AOAH: variants seen among roughly 807,000 people sequenced by gnomAD.
The protein encoded by AOAH is acyloxyacyl hydrolase (neutrophil).
In AOAH, 64 loss-of-function variants were observed where a neutral mutation model predicts 92.2. The observed-to-expected ratio is 0.69, with a 90% CI of 0.57 to 0.86. The LOEUF is 0.86. AOAH is among the 40% of genes least tolerant of loss of function. The pLI, the probability that AOAH is intolerant of heterozygous loss-of-function variation, is 0.00. For synonymous variants in AOAH, 263 were observed against 254.5 expected (o/e 1.03, Z -0.32); for missense variants, 656 against 694.6 (o/e 0.94, Z 0.62).
At chr7:36,567,637 C>A (rs972776955) in intron 13 of AOAH, among the ~76,000 whole-genome samples, 1 of 152,146 alleles carries the variant, frequency 6.6e-6, no homozygotes, top group Non-Finnish European at 1.5e-5. Context: ...TGGTTCCTGG[C>A]AATACTGGTG....
chr7:36,640,330 C>T (rs1171031331), intron 4 of AOAH, among the ~76,000 whole-genome samples: 1 of 148,648 alleles, frequency 6.7e-6, no homozygotes, highest in Non-Finnish European at 1.5e-5. Flanking sequence ...GTAGGACCCA[C>T]AAACTAGAAA....
chr7:36,516,181 C>G lies in AOAH; in HGVS notation c.1600-2801G>C, dbSNP rs926793755. On this transcript the variant is annotated intron_variant, in intron 20 of 20. Coordinates refer to ENST00000617537, the MANE Select transcript of AOAH (RefSeq NM_001637.4). This position sits in a 1 kb window ranked among gnomAD's most constrained non-coding sequence, Gnocchi z 5.0. ...CACACACCACACACCCCATACCACA[C>G]ATACATACATCTCTCTTATATACAC... Among the ~76,000 whole-genome samples the G allele has an allele frequency of 1.3e-5, 2 of 149,538 alleles. No individual in the cohort carries two copies. The highest frequency in any genetic ancestry group is 3.0e-5 in the Non-Finnish European group (2 of 67,114).
chr7:36,583,173 A>G (rs1330051268), intron 12 of AOAH, among the ~76,000 whole-genome samples: 1 of 152,128 alleles, frequency 6.6e-6, no homozygotes, highest in Non-Finnish European at 1.5e-5. Context: ...AATCTTAGGG[A>G]ATAAGTTACA....
At chr7:36,659,099 C>G (rs1795048555) in intron 4 of AOAH, 67 bp downstream of exon 4, 1 of 1,357,544 alleles carries the variant, frequency 7.4e-7, no homozygotes, top group African/African-American at 1.4e-5. Context: ...CTAAGCCTCC[C>G]TTTCTAACAT....
intron 12 of AOAH, 134 bp downstream of exon 12, chr7:36,594,205 G>A (rs1451509982): frequency 2.8e-6 from 2 of 721,546 alleles, no homozygotes; most frequent in East Asian, 2.5e-5. Context: ...ACTGTATGGT[G>A]GATGAACTCA....
At chr7:36,676,053 A>G (rs1167107447) in intron 2 of AOAH, among the ~76,000 whole-genome samples, 4 of 152,222 alleles carry the variant, frequency 2.6e-5, no homozygotes, top group East Asian at 3.8e-4. Context: ...TCCCCTCACT[A>G]TCAGGAAAAT....
intron 4 of AOAH, among the ~76,000 whole-genome samples, chr7:36,657,775 T>C (rs896433604): frequency 1.3e-5 from 2 of 151,902 alleles, no homozygotes; most frequent in Admixed American, 6.6e-5. Flanking sequence ...GAGAAGGGGG[T>C]CAGGGTAGGA....
At chr7:36,656,877 T>TTG (rs1794923631) in intron 4 of AOAH, among the ~76,000 whole-genome samples, 2 of 126,328 alleles carry the variant, frequency 1.6e-5, no homozygotes, top group African/African-American at 3.3e-5. Flanking sequence ...CAAAGAGGTT[T>TTG]GGTGGGGGGT....
chr7:36,533,679 G>A (rs1186911852), intron 16 of AOAH, among the ~76,000 whole-genome samples: 8 of 38,454 alleles, frequency 2.1e-4, no homozygotes, highest in South Asian at 7.6e-4. Flanking sequence ...TTTTGTGTGC[G>A]TGTGTGTGTG....
chr7:36,555,152 A>G (rs1786605228), intron 13 of AOAH, among the ~76,000 whole-genome samples: 1 of 150,262 alleles, frequency 6.7e-6, no homozygotes, highest in Non-Finnish European at 1.5e-5. Flanking sequence ...ATTTTGAGAT[A>G]CATCCCATCA....
intron 20 of AOAH, among the ~76,000 whole-genome samples, chr7:36,519,338 G>A (rs1783991087): frequency 1.3e-5 from 2 of 152,244 alleles, no homozygotes; most frequent in South Asian, 4.1e-4. Context: ...TGCCCATGCA[G>A]TTGCCTCTGC....
At chr7:36,539,763 A>G (rs561379743) in intron 16 of AOAH, among the ~76,000 whole-genome samples, 346 of 152,294 alleles carry the variant, frequency 2.3e-3, no homozygotes, top group African/African-American at 8.2e-3. Flanking sequence ...TAAGGATCAC[A>G]CCTTCCTAAT....
intron 13 of AOAH, among the ~76,000 whole-genome samples, chr7:36,560,423 T>G (rs937203783): frequency 6.6e-6 from 1 of 152,182 alleles, no homozygotes; most frequent in Admixed American, 6.5e-5. Flanking sequence ...GCAACGTTTT[T>G]TAGTTCTCCT....
intron 12 of AOAH, among the ~76,000 whole-genome samples, chr7:36,582,304 G>A (rs527312675): frequency 9.9e-5 from 15 of 152,278 alleles, no homozygotes; most frequent in Non-Finnish European, 2.1e-4. Context: ...GTACTTAAAA[G>A]TTCTTTTCTC....
In AOAH at chr7:36,576,631, G is replaced by T. The variant is rs150438169; in HGVS notation, c.964C>A (p.Arg322Ser). ...VGIKEKSIYL[R>S]LWKRNHCNHR... ...TTACAGTGGTTTCTTTTCCATAAGCGAAGGTAAATAGATTTTTCTTTAATT... is the reference window on the plus strand; with the variant it reads ...TTACAGTGGTTTCTTTTCCATAAGCTAAGGTAAATAGATTTTTCTTTAATT... Residue 322 changes from arginine to serine, a missense_variant, in exon 13 of 21, where the codon CGC becomes AGC. By Grantham distance (110) the Arg-to-Ser change is moderately radical (BLOSUM62 -1). Transcript: ENST00000617537. The T allele has an allele frequency of 4.3e-5, 68 of 1,570,746 alleles. No homozygotes were observed. The African/African-American group carries it at 7.9e-4, about 18-fold the overall frequency.
At chr7:36,622,505 A>G (rs1278925620) in intron 7 of AOAH, among the ~76,000 whole-genome samples, 2 of 152,204 alleles carry the variant, frequency 1.3e-5, no homozygotes, top group African/African-American at 2.4e-5. Flanking sequence ...GTGACATGTT[A>G]CTTGCTTGTT....
intron 5 of AOAH, among the ~76,000 whole-genome samples, chr7:36,637,113 C>T (rs193208027): frequency 9.2e-5 from 14 of 152,288 alleles, no homozygotes; most frequent in African/African-American, 3.4e-4. Flanking sequence ...AAGTCAAATA[C>T]GTAAGCCTGC....
At chr7:36,535,156 C>CTG (rs1323942653) in intron 16 of AOAH, among the ~76,000 whole-genome samples, 6 of 149,504 alleles carry the variant, frequency 4.0e-5, no homozygotes, top group Non-Finnish European at 7.4e-5. Context: ...GTGTCCGTGT[C>CTG]TGTGTGTGTG....
intron 19 of AOAH, among the ~76,000 whole-genome samples, chr7:36,525,217 CT>C (rs1233118650): frequency 6.6e-6 from 1 of 152,194 alleles, no homozygotes; most frequent in East Asian, 1.9e-4. Context: ...AAGCCCATGC[CT>C]GAGATGGCTA....
Sources: gnomAD v4.1 joint callset for allele counts (sites outside exome capture counted in the v4.1 genomes callset) on GRCh38, gnomAD v4.1.1 for gene constraint, Gnocchi (gnomAD v3.1) non-coding constraint, MANE v1.5 for transcripts, NCBI Gene and HGNC (gene_info 2026-07-23, HGNC 2026-07-21) for gene names.